Variants in SPMAP2 observed in about 807,000 individuals in gnomAD.
The protein encoded by SPMAP2 is sperm microtubule associated protein 2.
At chr19:375,105 C>T in the SPMAP2 span, among the ~76,000 whole-genome samples, 8 of 152,088 alleles carry the variant, frequency 5.3e-5, no homozygotes, top group East Asian at 1.9e-4. Context: ...GCAGGGAGGA[C>T]GGGAGCCGAG....
chr19:373,489 G>T, the SPMAP2 span: 1 of 1,613,438 alleles, frequency 6.2e-7, no homozygotes, highest in South Asian at 1.1e-5. Context: ...TGATGGTGAG[G>T]GTGGTGTCCT....
At chr19:375,361 C>G in the SPMAP2 span, among the ~76,000 whole-genome samples, 2 of 152,170 alleles carry the variant, frequency 1.3e-5, no homozygotes, top group African/African-American at 4.8e-5. Flanking sequence ...ACTCTGAACT[C>G]TGGGCACCTG....
chr19:364,948 G>A, the SPMAP2 span, among the ~76,000 whole-genome samples: 21 of 152,188 alleles, frequency 1.4e-4, no homozygotes, highest in African/African-American at 4.3e-4. Flanking sequence ...CCCTCTTTGC[G>A]TGGAACTTCT....
At chr19:374,710 G>A in the SPMAP2 span, 90 of 458,434 alleles carry the variant, frequency 2.0e-4, 1 homozygote, top group East Asian at 1.4e-3. Context: ...CCCACCTGGC[G>A]GGGCTGTTTT....
the SPMAP2 span, among the ~76,000 whole-genome samples, chr19:366,721 G>A: frequency 6.6e-6 from 1 of 151,996 alleles, no homozygotes; most frequent in Non-Finnish European, 1.5e-5. Flanking sequence ...AACTTCTCTG[G>A]CAATTCGCAC....
At chr19:364,874 T>A in the SPMAP2 span, among the ~76,000 whole-genome samples, 2 of 152,166 alleles carry the variant, frequency 1.3e-5, no homozygotes, top group Admixed American at 1.3e-4. Context: ...GGCTGTCCTC[T>A]ACCTTGTCTC....
At chr19:365,976 A>G in the SPMAP2 span, among the ~76,000 whole-genome samples, 1 of 152,154 alleles carries the variant, frequency 6.6e-6, no homozygotes, top group Non-Finnish European at 1.5e-5. Context: ...ACCTGTCTCT[A>G]CTAAAAATAC....
At chr19:366,064 C>T in the SPMAP2 span, among the ~76,000 whole-genome samples, 7 of 151,888 alleles carry the variant, frequency 4.6e-5, no homozygotes, top group Non-Finnish European at 7.4e-5. Context: ...TGTGTGAACC[C>T]AGGAGGCGGA....
chr19:364,970 T>C, the SPMAP2 span, among the ~76,000 whole-genome samples: 1 of 152,200 alleles, frequency 6.6e-6, no homozygotes, highest in African/African-American at 2.4e-5. Context: ...CGCAAATGAA[T>C]AAGGGCTACC....
the SPMAP2 span, among the ~76,000 whole-genome samples, chr19:368,472 GGGGA>G: frequency 6.6e-6 from 1 of 152,066 alleles, no homozygotes; most frequent in Non-Finnish European, 1.5e-5. This position sits in a 1 kb window ranked among gnomAD's most constrained non-coding sequence, Gnocchi z 4.1. Flanking sequence ...TGATGCCTCT[GGGGA>G]GGGAGGGAGG....
the SPMAP2 span, chr19:362,243 T>C: frequency 1.3e-6 from 2 of 1,573,348 alleles, no homozygotes; most frequent in South Asian, 2.4e-5. Flanking sequence ...TGGTGATGCT[T>C]TTGGGGGTGG....
the SPMAP2 span, among the ~76,000 whole-genome samples, chr19:369,349 G>A: frequency 3.3e-5 from 5 of 151,838 alleles, no homozygotes; most frequent in South Asian, 2.1e-4. Context: ...ATCCCCGCCC[G>A]GAGAATGCAA....
the SPMAP2 span, chr19:374,097 C>A: frequency 2.0e-6 from 3 of 1,503,156 alleles, no homozygotes; most frequent in Non-Finnish European, 2.7e-6. Context: ...CTTTGGCCAC[C>A]GCCCAGAGGG....
At chr19:370,742 C>T in the SPMAP2 span, among the ~76,000 whole-genome samples, 1 of 152,318 alleles carries the variant, frequency 6.6e-6, no homozygotes, top group South Asian at 2.1e-4. Context: ...TGGAATTGAA[C>T]CGGCGACGAC....
chr19:361,775 C>T, the SPMAP2 span: 767 of 78,188 alleles, frequency 9.8e-3, 53 homozygotes, highest in Non-Finnish European at 0.014. Flanking sequence ...TCAGCAGGAG[C>T]GTCGGCTGCT....
chr19:366,012 G>T, the SPMAP2 span, among the ~76,000 whole-genome samples: 43 of 152,154 alleles, frequency 2.8e-4, no homozygotes, highest in African/African-American at 9.9e-4. Context: ...GTGATGGCAG[G>T]CTCCCGTAGT....
the SPMAP2 span, among the ~76,000 whole-genome samples, chr19:370,167 G>T: frequency 6.6e-6 from 1 of 152,128 alleles, no homozygotes; most frequent in Non-Finnish European, 1.5e-5. Flanking sequence ...GATGGGGAGA[G>T]CCTGAGCTCA....
the SPMAP2 span, among the ~76,000 whole-genome samples, chr19:372,969 G>T: frequency 3.9e-5 from 6 of 152,306 alleles, no homozygotes; most frequent in Non-Finnish European, 5.9e-5. Context: ...CAGCACCGTG[G>T]CTCCTCAACG....
chr19:373,233 G>C, the SPMAP2 span, among the ~76,000 whole-genome samples: 1 of 152,136 alleles, frequency 6.6e-6, no homozygotes, highest in African/African-American at 2.4e-5. Flanking sequence ...GAAAGCAAAG[G>C]GTCTTTTTGT....
Sources: gnomAD v4.1 joint callset for allele counts (sites outside exome capture counted in the v4.1 genomes callset) on GRCh38, gnomAD v4.1.1 for gene constraint, Gnocchi (gnomAD v3.1) non-coding constraint, MANE v1.5 for transcripts, NCBI Gene and HGNC (gene_info 2026-07-23, HGNC 2026-07-21) for gene names.